The following C7 variants were observed in gnomAD, a reference collection of about 807,000 sequenced individuals.
C7 encodes the protein complement C7.
Under a neutral mutation model 104.8 loss-of-function variants are expected in C7, and 83 were observed. The ratio of observed to expected loss-of-function variants is 0.79; its 90% CI spans 0.66 to 0.95. The LOEUF is 0.95. Ranked by LOEUF, C7 falls within the 40% of genes least tolerant of loss-of-function variation. The probability of loss-of-function intolerance (pLI) is 0.00; values close to 1 mark genes in which losing one functional copy is unlikely to be tolerated. For synonymous variants in C7, 415 were observed against 360.6 expected (o/e 1.15, Z -1.71); for missense variants, 1,070 against 1,011.2 (o/e 1.06, Z -0.79).
rs1240489640 is a variant in C7 at position 40,931,008 on chromosome 5, G to A, written c.63-56G>A. 3.4e-6 allele frequency: 4 copies of A among 1,182,276 alleles called. No homozygotes were observed. The African/African-American group carries it at 4.5e-5, about 13-fold the overall frequency. The allele number at this position is 1,182,276 out of a possible 1,614,324, so 73.2% of individuals were successfully genotyped here. On this transcript the variant is annotated intron_variant, in intron 2 of 17. Transcript: ENST00000313164. ...TTTGACTGTTTTCACTATTCTTTGT[G>A]TTCCCTTGCGTATCTTTCCACCTGC...
intron 14 of C7, among the ~76,000 whole-genome samples, chr5:40,968,992 C>A (rs999755934): frequency 6.6e-6 from 1 of 151,998 alleles, no homozygotes; most frequent in African/African-American, 2.4e-5. Context: ...ATTTTTAGAG[C>A]AGTTTTAGCT....
At chr5:40,937,185 A>G (rs1315115813) in intron 5 of C7, 1 of 157,142 alleles carries the variant, frequency 6.4e-6, no homozygotes, top group East Asian at 1.9e-4. Flanking sequence ...AATTTATTAT[A>G]GAGAGCTCTC....
At chr5:40,940,112 C>T (rs1739904434) in intron 6 of C7, among the ~76,000 whole-genome samples, 1 of 152,122 alleles carries the variant, frequency 6.6e-6, no homozygotes, top group Non-Finnish European at 1.5e-5. Flanking sequence ...CATCTCGGGC[C>T]CACTGGGTAT....
At chr5:40,957,957 T>G in intron 10 of C7, 76 bp from the exon 11 acceptor site, 3 of 939,914 alleles carry the variant, frequency 3.2e-6, no homozygotes, top group South Asian at 4.5e-5. Flanking sequence ...TTAATGAGAG[T>G]CGTGCCTAAA....
chr5:40,942,280 G>A (rs1374379794), intron 6 of C7, among the ~76,000 whole-genome samples: 1 of 152,188 alleles, frequency 6.6e-6, no homozygotes, highest in Non-Finnish European at 1.5e-5. Context: ...ATTAGAACAT[G>A]TATGTTTTGA....
intron 17 of C7, among the ~76,000 whole-genome samples, chr5:40,980,825 T>A (rs573175874): frequency 1.3e-5 from 2 of 152,312 alleles, no homozygotes; most frequent in South Asian, 4.1e-4. Flanking sequence ...CTGGGTCACT[T>A]TTGGTTAGGT....
At chr5:40,942,361 C>A (rs1262306945) in intron 6 of C7, among the ~76,000 whole-genome samples, 1 of 151,874 alleles carries the variant, frequency 6.6e-6, no homozygotes, top group African/African-American at 2.4e-5. Flanking sequence ...TCTAATCCAC[C>A]CTTTGAAGAA....
chr5:40,938,665 C>T (rs1029312986), intron 6 of C7, among the ~76,000 whole-genome samples: 5 of 152,162 alleles, frequency 3.3e-5, no homozygotes, highest in African/African-American at 7.2e-5. Context: ...TGCTTGCCAA[C>T]GTTGGTATTG....
At chr5:40,971,704 G>A (rs914348270) in intron 14 of C7, among the ~76,000 whole-genome samples, 2 of 152,098 alleles carry the variant, frequency 1.3e-5, no homozygotes, top group African/African-American at 4.8e-5. Context: ...TTCTTCTAGG[G>A]TTTTTATGGT....
At chr5:40,953,794 A>T (rs1030910856) in intron 9 of C7, among the ~76,000 whole-genome samples, 2 of 152,230 alleles carry the variant, frequency 1.3e-5, no homozygotes, top group African/African-American at 4.8e-5. Flanking sequence ...GGATATCCTA[A>T]ATATCCTGAT....
At chr5:40,963,843 T>C (rs746880658) in intron 13 of C7, among the ~76,000 whole-genome samples, 3 of 151,864 alleles carry the variant, frequency 2.0e-5, no homozygotes, top group Admixed American at 6.6e-5. Flanking sequence ...ATTCCATACA[T>C]ATAGTGTGGA....
At chr5:40,953,426 A>C (rs1015213399) in intron 9 of C7, among the ~76,000 whole-genome samples, 2 of 152,106 alleles carry the variant, frequency 1.3e-5, no homozygotes, top group Non-Finnish European at 2.9e-5. Flanking sequence ...GTGGATCATG[A>C]GGTTAAGAGA....
At chr5:40,909,815 A>G (rs910338278) in intron 1 of C7, among the ~76,000 whole-genome samples, 199 bp downstream of exon 1, 1 of 152,214 alleles carries the variant, frequency 6.6e-6, no homozygotes, top group African/African-American at 2.4e-5. Context: ...TTAACAGTTC[A>G]GCCAAAGTGA....
At chr5:40,926,364 CT>C (rs1739552354) in intron 1 of C7, among the ~76,000 whole-genome samples, 1 of 43,080 alleles carries the variant, frequency 2.3e-5, no homozygotes, top group Non-Finnish European at 4.0e-5. Flanking sequence ...AAAATGCCCA[CT>C]TTTGCCACTT....
intron 2 of C7, 37 bp from the exon 3 acceptor site, chr5:40,931,027 C>T: frequency 7.0e-7 from 1 of 1,422,508 alleles, no homozygotes; most frequent in Non-Finnish European, 9.9e-7. Flanking sequence ...CGTATCTTTC[C>T]ACCTGCTTTA....
At position 40,911,779 on chromosome 5, in the gene C7, C is replaced by G. The variant is rs1335557815; in HGVS notation, c.6+2163C>G. 2.7e-5 allele frequency among the ~76,000 whole-genome samples: 4 copies of G among 150,668 alleles called. No homozygotes were observed. In the East Asian group the frequency reaches 7.8e-4, roughly 29 times the overall value. On this transcript the variant is annotated intron_variant, in intron 1 of 17. Coordinates refer to ENST00000313164, the MANE Select transcript of C7 (RefSeq NM_000587.4). ...TTTGAGACAAAGTCTCACTCTGTTG[C>G]CCAGGCTGGAGTGCAGAGGTACGAT...
chr5:40,936,802 GA>G (rs1739827164), intron 5 of C7, among the ~76,000 whole-genome samples: 1 of 152,052 alleles, frequency 6.6e-6, no homozygotes, highest in African/African-American at 2.4e-5. Flanking sequence ...GGGAGGGAGA[GA>G]GAGAGAAAAA....
chr5:40,930,535 A>G (rs113995230), intron 2 of C7, among the ~76,000 whole-genome samples: 1 of 150,798 alleles, frequency 6.6e-6, no homozygotes, highest in African/African-American at 2.4e-5. Flanking sequence ...TATTTCTACA[A>G]TTCTAGTGTC....
intron 1 of C7, among the ~76,000 whole-genome samples, chr5:40,924,230 C>T (rs992344708): frequency 3.3e-5 from 5 of 152,124 alleles, no homozygotes; most frequent in Non-Finnish European, 7.3e-5. Flanking sequence ...GGCTACAGGC[C>T]CCATGGAAGT....
Sources: allele counts gnomAD v4.1 joint callset (sites outside exome capture counted in the v4.1 genomes callset), GRCh38; gene constraint gnomAD v4.1.1; transcripts MANE v1.5; gene names NCBI Gene and HGNC (gene_info 2026-07-23, HGNC 2026-07-21).